The following C12orf42 variants were observed in gnomAD, a reference collection of about 807,000 sequenced individuals.
The protein encoded by C12orf42 is chromosome 12 open reading frame 42.
C12orf42 carries 25 observed loss-of-function variants against 21.6 expected under a neutral mutation model. The ratio of observed to expected loss-of-function variants is 1.16; its 90% CI spans 0.84 to 1.62. C12orf42 has a LOEUF of 1.62. Among genes scored for constraint, C12orf42 ranks in the 40% most tolerant of loss-of-function variants. C12orf42 has a pLI of 0.00. For missense variants in C12orf42, 483 were observed against 459.3 expected (o/e 1.05, Z -0.47); for synonymous variants, 174 against 175.0 (o/e 0.99, Z 0.05).
At chr12:103,541,155 C>T in the C12orf42 span, among the ~76,000 whole-genome samples, 1 of 152,300 alleles carries the variant, frequency 6.6e-6, no homozygotes, top group African/African-American at 2.4e-5. Context: ...TCACCAGCCT[C>T]GGCCTCCCAA....
the C12orf42 span, among the ~76,000 whole-genome samples, chr12:103,165,898 GGGCGTGGT>G: frequency 6.6e-6 from 1 of 152,070 alleles, no homozygotes; most frequent in Non-Finnish European, 1.5e-5. Context: ...AAAACTAGCC[GGGCGTGGT>G]GGCGGGTGCC....
the C12orf42 span, among the ~76,000 whole-genome samples, chr12:103,055,787 T>C: frequency 0.023 from 3,516 of 152,148 alleles, 61 homozygotes; most frequent in African/African-American, 0.046. Flanking sequence ...AAATTCTTCT[T>C]GAGACTTCTT....
intron 4 of C12orf42, among the ~76,000 whole-genome samples, chr12:103,357,143 GT>G (rs1299355057): frequency 1.6e-5 from 2 of 127,052 alleles, no homozygotes; most frequent in African/African-American, 6.0e-5. Context: ...TCTGGGGACT[GT>G]TGTGGGGTGG....
rs1014669950 is a variant in C12orf42, at chr12:103,486,831, T to C, written c.-21-8384A>G. On this transcript the variant is annotated intron_variant, in intron 1 of 5. Transcript: ENST00000548883. Reference sequence around the variant, plus strand: ...ATCCCCTATATGATTTTTTATTGAGTCTATTTGATTCTTCTCTCTTTTCTT... The same window carrying C: ...ATCCCCTATATGATTTTTTATTGAGCCTATTTGATTCTTCTCTCTTTTCTT... 3.9e-5 allele frequency among the ~76,000 whole-genome samples: 6 copies of C among 152,108 alleles called. No homozygotes were observed. In the East Asian group the frequency reaches 7.7e-4, roughly 20 times the overall value.
At chr12:103,510,204 C>G in the C12orf42 span, among the ~76,000 whole-genome samples, 1 of 152,148 alleles carries the variant, frequency 6.6e-6, no homozygotes, top group Non-Finnish European at 1.5e-5. Flanking sequence ...ATGGTGTTTA[C>G]AGCAACCTGG....
At chr12:103,159,206 A>T in the C12orf42 span, among the ~76,000 whole-genome samples, 2 of 152,162 alleles carry the variant, frequency 1.3e-5, no homozygotes, top group African/African-American at 4.8e-5. Flanking sequence ...AGACTGATAG[A>T]ATTGCATTAT....
At chr12:103,352,071 G>A (rs912907520) in intron 4 of C12orf42, among the ~76,000 whole-genome samples, 1 of 151,800 alleles carries the variant, frequency 6.6e-6, no homozygotes, top group Non-Finnish European at 1.5e-5. Context: ...ACCACCACAA[G>A]CTCCCTTGCC....
chr12:103,223,926 C>T, the C12orf42 span, among the ~76,000 whole-genome samples: 42 of 152,202 alleles, frequency 2.8e-4, no homozygotes, highest in Non-Finnish European at 4.9e-4. Flanking sequence ...TTCTTGAAGA[C>T]GGAGGACCGT....
chr12:103,534,605 G>T, the C12orf42 span, among the ~76,000 whole-genome samples: 1 of 152,134 alleles, frequency 6.6e-6, no homozygotes, highest in East Asian at 1.9e-4. Flanking sequence ...AAAGGAGACT[G>T]TCTTCTTTCC....
At chr12:103,415,598 A>G (rs1395212436) in intron 2 of C12orf42, among the ~76,000 whole-genome samples, 1 of 152,200 alleles carries the variant, frequency 6.6e-6, no homozygotes, top group Non-Finnish European at 1.5e-5. Context: ...TCACAGTGCA[A>G]TGAAAATAGA....
the C12orf42 span, among the ~76,000 whole-genome samples, chr12:103,222,165 C>T: frequency 6.6e-6 from 1 of 152,164 alleles, no homozygotes; most frequent in Admixed American, 6.5e-5. Flanking sequence ...GTGTGAGCAA[C>T]ATGGCTGTTT....
chr12:103,141,343 C>T, the C12orf42 span, among the ~76,000 whole-genome samples: 3 of 151,882 alleles, frequency 2.0e-5, no homozygotes, highest in African/African-American at 7.3e-5. Flanking sequence ...AAATATAAGG[C>T]AATAATAAAG....
chr12:103,082,004 T>C, the C12orf42 span, among the ~76,000 whole-genome samples: 5 of 152,212 alleles, frequency 3.3e-5, no homozygotes, highest in Non-Finnish European at 5.9e-5. Context: ...AAAAAGCTCT[T>C]TTAATGTTGT....
At chr12:103,533,420 T>A in the C12orf42 span, among the ~76,000 whole-genome samples, 1 of 152,184 alleles carries the variant, frequency 6.6e-6, no homozygotes, top group Admixed American at 6.5e-5. Context: ...TTGGTCCTCA[T>A]GGGTCTCAGC....
chr12:103,193,389 T>C, the C12orf42 span, among the ~76,000 whole-genome samples: 1 of 150,156 alleles, frequency 6.7e-6, no homozygotes, highest in South Asian at 2.1e-4. Context: ...AAATAATAAA[T>C]GTCAAGGCAG....
the C12orf42 span, among the ~76,000 whole-genome samples, chr12:103,553,005 C>T: frequency 3.3e-5 from 5 of 152,108 alleles, no homozygotes; most frequent in South Asian, 1.0e-3. Context: ...TGTTCCAGTC[C>T]CTTCCCAACA....
intron 4 of C12orf42, chr12:103,277,273 T>C: frequency 2.7e-6 from 1 of 373,408 alleles, no homozygotes; most frequent in Non-Finnish European, 5.2e-6. Flanking sequence ...ATTCAAAAAT[T>C]ATAATAAACT....
At chr12:103,239,749 G>A (rs565654776) in intron 10 of C12orf42, among the ~76,000 whole-genome samples, 1 of 152,250 alleles carries the variant, frequency 6.6e-6, no homozygotes, top group Admixed American at 6.5e-5. Context: ...TAGGTATTGA[G>A]ACTTAGTCTA....
At chr12:103,318,054 C>T (rs769694895) in intron 4 of C12orf42, among the ~76,000 whole-genome samples, 21 of 152,104 alleles carry the variant, frequency 1.4e-4, no homozygotes, top group Non-Finnish European at 2.9e-4. Flanking sequence ...GTAATCTCAG[C>T]ACTTTAGGAG....
Sources: allele counts gnomAD v4.1 joint callset (sites outside exome capture counted in the v4.1 genomes callset), GRCh38; gene constraint gnomAD v4.1.1; transcripts MANE v1.5; gene names NCBI Gene and HGNC (gene_info 2026-07-23, HGNC 2026-07-21).